The following SNRNP40 variants were observed in gnomAD, a reference collection of about 807,000 sequenced individuals.
The protein encoded by SNRNP40 is small nuclear ribonucleoprotein U5 subunit 40, also known as U5 small nuclear ribonucleoprotein 40 kDa protein.
A neutral mutation model predicts 45.8 loss-of-function variants in SNRNP40; 21 were observed. The ratio of observed to expected loss-of-function variants is 0.46; its 90% CI spans 0.32 to 0.66. The LOEUF is 0.66. SNRNP40 is among the 30% of genes least tolerant of loss of function. SNRNP40 has a pLI of 0.03. For missense variants in SNRNP40, 344 were observed against 439.1 expected, an observed-to-expected ratio of 0.78 and a Z score of 1.94; for synonymous variants, 142 against 163.8, an observed-to-expected ratio of 0.87 and a Z score of 1.01.
chr1:31,279,207 A>T (rs1050630238), intron 5 of SNRNP40, among the ~76,000 whole-genome samples: 15 of 152,216 alleles, frequency 9.9e-5, no homozygotes, highest in African/African-American at 3.4e-4. Context: ...ATCACGTATT[A>T]GCTGTGTAAC....
chr1:31,271,890 C>T (rs2148383020), intron 5 of SNRNP40, among the ~76,000 whole-genome samples: 1 of 152,292 alleles, frequency 6.6e-6, no homozygotes, highest in Non-Finnish European at 1.5e-5. Context: ...CCCACCTCAT[C>T]CTCTCAGTAT....
intron 5 of SNRNP40, among the ~76,000 whole-genome samples, chr1:31,273,467 C>T (rs1405386404): frequency 3.3e-5 from 5 of 151,884 alleles, no homozygotes; most frequent in African/African-American, 4.8e-5. Context: ...GGTGAAACCC[C>T]GTCTCTACTA....
At chr1:31,277,896 T>C (rs373356902) in intron 5 of SNRNP40, among the ~76,000 whole-genome samples, 5 of 152,328 alleles carry the variant, frequency 3.3e-5, no homozygotes, top group East Asian at 3.9e-4. Context: ...GGTTTTGCCA[T>C]GTTGGCCAGG....
At chr1:31,277,957 A>G (rs755336170) in intron 5 of SNRNP40, among the ~76,000 whole-genome samples, 3 of 152,242 alleles carry the variant, frequency 2.0e-5, no homozygotes, top group Non-Finnish European at 2.9e-5. Context: ...GGCCTCTCAA[A>G]GTGTTTGGAT....
At chr1:31,265,658 G>GT (rs1223001293) in intron 8 of SNRNP40, among the ~76,000 whole-genome samples, 1 of 152,110 alleles carries the variant, frequency 6.6e-6, no homozygotes, top group African/African-American at 2.4e-5. Context: ...GGCTAACACG[G>GT]TGAAACTCCA....
chr1:31,276,758 C>T (rs780331922), intron 5 of SNRNP40, among the ~76,000 whole-genome samples: 1 of 152,118 alleles, frequency 6.6e-6, no homozygotes, highest in South Asian at 2.1e-4. Flanking sequence ...ACTGGCCAGG[C>T]GTGGTGGCTC....
chr1:31,267,462 C>A (rs1163825311), intron 8 of SNRNP40, among the ~76,000 whole-genome samples: 1 of 152,188 alleles, frequency 6.6e-6, no homozygotes, highest in Non-Finnish European at 1.5e-5. Flanking sequence ...ACAGTCATAA[C>A]TCTATGTCTG....
chr1:31,264,538 A>T (rs1047568816), intron 8 of SNRNP40, among the ~76,000 whole-genome samples: 2 of 152,326 alleles, frequency 1.3e-5, no homozygotes, highest in South Asian at 2.1e-4. Context: ...CTTAGTTACA[A>T]TGATGGAGAA....
At chr1:31,280,414 G>A (rs1239552145) in intron 5 of SNRNP40, among the ~76,000 whole-genome samples, 2 of 151,764 alleles carry the variant, frequency 1.3e-5, no homozygotes, top group East Asian at 2.0e-4. Context: ...CACCCGCCTC[G>A]GCCTCCCAAA....
At chr1:31,287,687 A>T (rs1490426217) in intron 4 of SNRNP40, among the ~76,000 whole-genome samples, 4 of 152,128 alleles carry the variant, frequency 2.6e-5, no homozygotes, top group Non-Finnish European at 5.9e-5. Context: ...GTGATTAGGT[A>T]TAAGAAAACC....
chr1:31,269,016 TG>T, intron 7 of SNRNP40, 141 bp downstream of exon 7: 1 of 729,888 alleles, frequency 1.4e-6, no homozygotes, highest in South Asian at 3.1e-5. Context: ...GTTTTATTTT[TG>T]GCAACAAGTT....
intron 8 of SNRNP40, chr1:31,261,881 C>T (rs1645861559): frequency 3.1e-6 from 1 of 319,190 alleles, no homozygotes. Context: ...ATACAAGCTT[C>T]TGAAATGGGA....
At chr1:31,290,123 T>G (rs569972617) in intron 3 of SNRNP40, among the ~76,000 whole-genome samples, 1 of 152,204 alleles carries the variant, frequency 6.6e-6, no homozygotes, top group Admixed American at 6.5e-5. Flanking sequence ...CCTCCTACAG[T>G]GCTAGGGTTA....
At chr1:31,279,874 C>T (rs1646003108) in intron 5 of SNRNP40, among the ~76,000 whole-genome samples, 2 of 151,336 alleles carry the variant, frequency 1.3e-5, no homozygotes, top group East Asian at 2.0e-4. Flanking sequence ...TTTGGGAGGC[C>T]GAGGCAGGTG....
chr1:31,274,478 T>C (rs1241235292), intron 5 of SNRNP40, among the ~76,000 whole-genome samples: 1 of 152,002 alleles, frequency 6.6e-6, no homozygotes, highest in African/African-American at 2.4e-5. Context: ...CTTGACCTTG[T>C]GATCCGCCCA....
intron 4 of SNRNP40, among the ~76,000 whole-genome samples, chr1:31,284,419 G>A (rs529683303): frequency 6.6e-6 from 1 of 152,298 alleles, no homozygotes; most frequent in African/African-American, 2.4e-5. Flanking sequence ...CAAAGTGGTG[G>A]GATTACAGGC....
intron 7 of SNRNP40, 65 bp from the exon 8 acceptor site, chr1:31,267,997 C>G: frequency 9.2e-7 from 1 of 1,086,902 alleles, no homozygotes; most frequent in Non-Finnish European, 1.4e-6. Flanking sequence ...GCTACCGAAT[C>G]ACTAAGAGGC....
chr1:31,272,540 A>T (rs1384817568), intron 5 of SNRNP40, among the ~76,000 whole-genome samples: 1 of 152,218 alleles, frequency 6.6e-6, no homozygotes, highest in Non-Finnish European at 1.5e-5. Flanking sequence ...GTTATGTGTC[A>T]TTGGGTCACT....
intron 8 of SNRNP40, chr1:31,263,678 T>C (rs982815291): frequency 4.6e-6 from 2 of 434,736 alleles, no homozygotes; most frequent in South Asian, 1.7e-5. Context: ...ATAACTGATA[T>C]GATATGGCTT....
Sources: allele counts gnomAD v4.1 joint callset (sites outside exome capture counted in the v4.1 genomes callset), GRCh38; gene constraint gnomAD v4.1.1; transcripts MANE v1.5; gene names NCBI Gene and HGNC (gene_info 2026-07-23, HGNC 2026-07-21).